Variants in ATXN1 observed in about 807,000 individuals in gnomAD.
The protein encoded by ATXN1 is ataxin-1.
ATXN1 carries 8 observed loss-of-function variants against 56.4 expected under a neutral mutation model. That is an observed-to-expected ratio of 0.14 (90% CI 0.08 to 0.26). The LOEUF (loss-of-function observed/expected upper bound fraction) is 0.26, where lower values mean the gene tolerates loss of function less well. ATXN1 is among the 10% of genes least tolerant of loss of function. ATXN1 has a pLI of 1.00. For missense variants in ATXN1, 987 were observed against 1,106.5 expected (o/e 0.89, Z 1.53); for synonymous variants, 514 against 494.6 (o/e 1.04, Z -0.52).
chr6:16,335,464 G>A (rs1053088444), intron 6 of ATXN1, among the ~76,000 whole-genome samples: 1 of 152,328 alleles, frequency 6.6e-6, no homozygotes, highest in Non-Finnish European at 1.5e-5. Flanking sequence ...TCACGGAAGT[G>A]TAGTGAGTGA....
chr6:16,462,083 T>C (rs980623993), intron 6 of ATXN1, among the ~76,000 whole-genome samples: 6 of 152,208 alleles, frequency 3.9e-5, no homozygotes, highest in Admixed American at 2.6e-4. Flanking sequence ...ACCCAAAGGA[T>C]GTCACAGAGA....
At chr6:16,668,565 C>A (rs552049383) in intron 2 of ATXN1, among the ~76,000 whole-genome samples, 1 of 152,122 alleles carries the variant, frequency 6.6e-6, no homozygotes, top group African/African-American at 2.4e-5. Flanking sequence ...AAGCTCCATG[C>A]TAGTTTATTT....
rs371699575 is a variant in ATXN1, at chr6:16,632,304, G to A, written c.-489+25472C>T. ...AAAGGGGACCTTGCAACGTTTGCTC[G>A]TGGGTCGACAACACCACACAGAGCT... is the stretch of plus-strand genomic sequence containing the variant. On this transcript the variant is annotated intron_variant, in intron 3 of 7. Transcript: ENST00000436367. Among the ~76,000 whole-genome samples the A allele has an allele frequency of 1.0e-3, 156 of 152,258 alleles. 1 individual carries two copies. The highest frequency in any genetic ancestry group is 3.5e-3 in the African/African-American group (145 of 41,540).
At position 16,326,715 on chromosome 6, in the gene ATXN1, G is replaced by A; in HGVS notation, c.1596C>T (p.Asn532=). Residue 532 remains asparagine, a synonymous_variant, in exon 7 of 8, where the codon AAC becomes AAT. Coordinates refer to ENST00000436367, the MANE Select transcript of ATXN1 (RefSeq NM_001128164.2). This position sits in a 1 kb window ranked among gnomAD's most constrained non-coding sequence, Gnocchi z 6.6. ...FVTTALPKSE[N]FNPEALVTQA... ...GGGTGACCAGGGCCTCAGGGTTGAA[G>A]TTCTCGCTCTTGGGAAGGGCGGTGG... is the stretch of plus-strand genomic sequence containing the variant. The A allele has an allele frequency of 6.2e-7, 1 of 1,613,586 alleles. No homozygotes were observed. Among genetic ancestry groups the A allele is most frequent in the Non-Finnish European group, 8.5e-7 (1 of 1,180,016 alleles).
chr6:16,718,831 A>G (rs1262222969), intron 2 of ATXN1, among the ~76,000 whole-genome samples: 1 of 152,238 alleles, frequency 6.6e-6, no homozygotes, highest in Non-Finnish European at 1.5e-5. Flanking sequence ...CACACAATGT[A>G]TACATGAAGA....
intron 6 of ATXN1, among the ~76,000 whole-genome samples, chr6:16,468,840 C>T (rs1760160391): frequency 1.3e-5 from 2 of 151,890 alleles, no homozygotes; most frequent in South Asian, 4.2e-4. Flanking sequence ...GAAACATCAC[C>T]TTACTTTTGA....
intron 6 of ATXN1, among the ~76,000 whole-genome samples, chr6:16,456,153 A>G (rs1157143056): frequency 2.6e-5 from 4 of 152,158 alleles, no homozygotes; most frequent in Non-Finnish European, 5.9e-5. Context: ...GGTCTGTGCC[A>G]TCTTTAAGAG....
intron 6 of ATXN1, among the ~76,000 whole-genome samples, chr6:16,441,113 C>A (rs941360001): frequency 6.6e-6 from 1 of 152,038 alleles, no homozygotes; most frequent in African/African-American, 2.4e-5. Flanking sequence ...GGCAAGGAAC[C>A]CTGGGAAGGT....
intron 6 of ATXN1, among the ~76,000 whole-genome samples, chr6:16,388,810 C>T (rs1468277965): frequency 3.3e-5 from 5 of 152,180 alleles, no homozygotes; most frequent in Non-Finnish European, 5.9e-5. Flanking sequence ...CTGCATCCTA[C>T]AGTCTGTAAA....
intron 6 of ATXN1, among the ~76,000 whole-genome samples, chr6:16,332,267 T>C (rs1761009236): frequency 6.6e-6 from 1 of 152,196 alleles, no homozygotes; most frequent in Admixed American, 6.5e-5. Flanking sequence ...GATTGGGTCT[T>C]GCTGTATTTT....
At chr6:16,491,095 T>TTC (rs1645034952) in intron 5 of ATXN1, among the ~76,000 whole-genome samples, 1 of 127,702 alleles carries the variant, frequency 7.8e-6, no homozygotes, top group Admixed American at 7.8e-5. Context: ...CCTGGATTTT[T>TTC]TTTTTTTTTT....
At chr6:16,722,924 A>ACTCT (rs887537879) in intron 2 of ATXN1, among the ~76,000 whole-genome samples, 6 of 152,080 alleles carry the variant, frequency 3.9e-5, no homozygotes, top group African/African-American at 9.7e-5. Context: ...ACACACACAC[A>ACTCT]CTCTCTCTCA....
At chr6:16,497,858 C>T (rs1314873001) in intron 5 of ATXN1, among the ~76,000 whole-genome samples, 1 of 151,862 alleles carries the variant, frequency 6.6e-6, no homozygotes, top group African/African-American at 2.4e-5. Flanking sequence ...TGTCTCTTTG[C>T]AGAAGTTGAA....
chr6:16,346,024 T>C (rs1761378662), intron 6 of ATXN1, among the ~76,000 whole-genome samples: 1 of 152,210 alleles, frequency 6.6e-6, no homozygotes, highest in Non-Finnish European at 1.5e-5. Flanking sequence ...ATTGACTGCA[T>C]CCGGCAGGAA....
At chr6:16,530,277 A>G (rs1761478485) in intron 4 of ATXN1, among the ~76,000 whole-genome samples, 1 of 152,214 alleles carries the variant, frequency 6.6e-6, no homozygotes, top group Non-Finnish European at 1.5e-5. Flanking sequence ...ATTAAAATCA[A>G]CGTAGGTTGT....
chr6:16,704,478 G>A (rs1025263822), intron 2 of ATXN1, among the ~76,000 whole-genome samples: 3 of 152,180 alleles, frequency 2.0e-5, no homozygotes, highest in Admixed American at 2.0e-4. Context: ...AATTTGAGGT[G>A]TTGCTTCTTT....
At chr6:16,452,358 T>C (rs566022655) in intron 6 of ATXN1, among the ~76,000 whole-genome samples, 1 of 152,362 alleles carries the variant, frequency 6.6e-6, no homozygotes, top group East Asian at 1.9e-4. Flanking sequence ...TAGTAATGAA[T>C]GATATGAGAA....
At chr6:16,389,169 T>C (rs929571341) in intron 6 of ATXN1, among the ~76,000 whole-genome samples, 1 of 151,944 alleles carries the variant, frequency 6.6e-6, no homozygotes, top group African/African-American at 2.4e-5. Context: ...AAACCTCGTC[T>C]GTACTAAAAG....
chr6:16,330,390 C>CG (rs1760954804), intron 6 of ATXN1, among the ~76,000 whole-genome samples: 1 of 119,826 alleles, frequency 8.3e-6, no homozygotes. Context: ...TCCTTCCTTC[C>CG]TTTTTTTTTT....
Sources: allele counts gnomAD v4.1 joint callset (sites outside exome capture counted in the v4.1 genomes callset), GRCh38; gene constraint gnomAD v4.1.1; non-coding constraint Gnocchi (gnomAD v3.1); transcripts MANE v1.5; gene names NCBI Gene and HGNC (gene_info 2026-07-23, HGNC 2026-07-21).